The following PENK variants were observed in gnomAD, a reference collection of about 807,000 sequenced individuals.
PENK encodes the protein proenkephalin-A.
In PENK, 25 loss-of-function variants were observed where a neutral mutation model predicts 24.1. The observed-to-expected ratio is 1.04, with a 90% CI of 0.76 to 1.45. The LOEUF is 1.45. PENK is among the 40% of genes most tolerant of loss of function. The pLI is 0.00. For missense variants in PENK, 353 were observed against 337.9 expected (o/e 1.04, Z -0.35); for synonymous variants, 135 against 130.3 (o/e 1.04, Z -0.24).
At chr8:56,443,946 T>C (rs901747430) in intron 3 of PENK, 4 of 701,808 alleles carry the variant, frequency 5.7e-6, no homozygotes, top group Non-Finnish European at 1.0e-5. Context: ...TAATAAGTGA[T>C]AACAACAAGA....
chr8:56,446,259 G>A (rs1179692214), intron 2 of PENK, 167 bp downstream of exon 2: 1 of 404,268 alleles, frequency 2.5e-6, no homozygotes, highest in Non-Finnish European at 4.4e-6. Context: ...CCGCAGACCA[G>A]GGGCGAGAGA....
chr8:56,446,360 G>T, intron 2 of PENK, 66 bp downstream of exon 2: 1 of 211,710 alleles, frequency 4.7e-6, no homozygotes, highest in East Asian at 1.1e-4. Flanking sequence ...AATGTGAAGG[G>T]AAAGAGGGCG....
At chr8:56,445,489 C>T (rs1804638899) in intron 3 of PENK, 2 of 581,864 alleles carry the variant, frequency 3.4e-6, no homozygotes, top group African/African-American at 3.7e-5. Flanking sequence ...CAGGAGAGAA[C>T]CCAGTGCTAT....
intron 3 of PENK, chr8:56,443,643 T>G (rs1277946312): frequency 7.5e-6 from 2 of 267,240 alleles, no homozygotes; most frequent in Admixed American, 1.0e-4. Flanking sequence ...AGTAAATATT[T>G]GTTACATTGA....
chr8:56,443,037 G>A (rs2128941342), intron 3 of PENK, among the ~76,000 whole-genome samples: 1 of 152,178 alleles, frequency 6.6e-6, no homozygotes. Context: ...GGTATATTAA[G>A]TGATGTTAAA....
chr8:56,444,470 C>T (rs1804616742), intron 3 of PENK, among the ~76,000 whole-genome samples: 1 of 152,168 alleles, frequency 6.6e-6, no homozygotes, highest in Non-Finnish European at 1.5e-5. Flanking sequence ...GATTTTTCTT[C>T]CTCCTTCTGT....
chr8:56,445,728 G>C, intron 3 of PENK, 88 bp downstream of exon 3: 1 of 1,562,714 alleles, frequency 6.4e-7, no homozygotes, highest in Middle Eastern at 1.7e-4. Context: ...CGCCATACGC[G>C]CCGCGCGGTG....
At chr8:56,445,699 G>T (rs1034934396) in intron 3 of PENK, 117 bp downstream of exon 3, 2 of 1,364,672 alleles carry the variant, frequency 1.5e-6, no homozygotes, top group Non-Finnish European at 1.0e-6. Flanking sequence ...CGCCGCTGCG[G>T]CTCCGACCCG....
rs141401917 is a variant in PENK at position 56,441,807 on chromosome 8, G to A, written c.269C>T (p.Pro90Leu). Reference sequence around the variant, plus strand: ...TTTGGCTAGCAAATGGCTTTCTTCCGGTTTGCTATTTTCTCTGAGGGTGCT... The same window carrying A: ...TTTGGCTAGCAAATGGCTTTCTTCCAGTTTGCTATTTTCTCTGAGGGTGCT... ...GTSTLRENSK[P>L]EESHLLAKRY... Residue 90 changes from proline to leucine, a missense_variant, in exon 4 of 4, where the codon CCG becomes CTG. By Grantham distance (98) the Pro-to-Leu change is moderately conservative (BLOSUM62 -3). Coordinates refer to ENST00000451791, the MANE Select transcript of PENK (RefSeq NM_001135690.3). 1.1e-4 allele frequency: 173 copies of A among 1,613,868 alleles called. No individual in the cohort carries two copies. Among genetic ancestry groups the A allele is most frequent in the Non-Finnish European group, 1.3e-4 (157 of 1,180,006 alleles).
intron 3 of PENK, 91 bp from the exon 4 acceptor site, chr8:56,442,028 G>A: frequency 1.1e-6 from 1 of 896,280 alleles, no homozygotes; most frequent in Non-Finnish European, 1.7e-6. Context: ...TGCTTGCTTT[G>A]ACATCATAAC....
At chr8:56,443,269 G>T (rs1052991471) in intron 3 of PENK, among the ~76,000 whole-genome samples, 5 of 152,140 alleles carry the variant, frequency 3.3e-5, no homozygotes, top group African/African-American at 1.2e-4. Flanking sequence ...AGAAGCTTAA[G>T]ATATTTAAGG....
intron 3 of PENK, chr8:56,445,449 G>C: frequency 2.1e-6 from 1 of 471,910 alleles, no homozygotes; most frequent in Non-Finnish European, 3.8e-6. Flanking sequence ...GTTAGGAGTT[G>C]TGGTGACAGC....
At chr8:56,445,752 C>A (rs753398150) in intron 3 of PENK, 64 bp downstream of exon 3, 2 of 1,606,608 alleles carry the variant, frequency 1.2e-6, no homozygotes, top group Non-Finnish European at 1.7e-6. Context: ...CGGAGGCAGT[C>A]CGCGTACTGT....
At position 56,445,735 on chromosome 8, in the gene PENK, G is replaced by C; in HGVS notation, c.138+81C>G. 9.5e-6 allele frequency: 15 copies of C among 1,579,468 alleles called. 1 individual carries two copies. The highest frequency in any genetic ancestry group is 1.3e-5 in the Non-Finnish European group (15 of 1,149,772). On this transcript the variant is annotated intron_variant, in intron 3 of 3. Coordinates refer to ENST00000451791, the MANE Select transcript of PENK (RefSeq NM_001135690.3). ...GTGCGAACCGCCATACGCGCCGCGCGGTGGGCCGGAGGCAGTCCGCGTACT... is the reference window on the plus strand; with the variant it reads ...GTGCGAACCGCCATACGCGCCGCGCCGTGGGCCGGAGGCAGTCCGCGTACT...
chr8:56,446,057 G>A (rs1191306765), intron 2 of PENK, 101 bp from the exon 3 acceptor site: 33 of 1,315,908 alleles, frequency 2.5e-5, no homozygotes, highest in Non-Finnish European at 3.0e-5. Context: ...GGATCGTCGA[G>A]CAAAAGCCCG....
intron 3 of PENK, among the ~76,000 whole-genome samples, chr8:56,444,680 T>A (rs1804621278): frequency 6.6e-6 from 1 of 152,216 alleles, no homozygotes; most frequent in Non-Finnish European, 1.5e-5. Context: ...AATGCCAAGT[T>A]AGCACAGGTC....
intron 3 of PENK, among the ~76,000 whole-genome samples, chr8:56,442,596 T>A (rs1406569813): frequency 7.9e-6 from 1 of 126,942 alleles, no homozygotes; most frequent in East Asian, 2.2e-4. Context: ...TAAGTACAGA[T>A]CTTTTGTTTT....
rs1804552929 is a variant in PENK, at chr8:56,441,505, T to C, written c.571A>G (p.Arg191Gly). ...AGTTGGGGGCTTCTCTTTAAGCCTC[T>C]CATGAAGCCCCCATATCTCTTGCTC... ...EVSKRYGGFM[R>G]GLKRSPQLED... Residue 191 changes from arginine (R) to glycine (G), a missense_variant, in exon 4 of 4, where the codon AGA becomes GGA. By Grantham distance (125) the Arg-to-Gly change is moderately radical. Coordinates refer to ENST00000451791, the MANE Select transcript of PENK (RefSeq NM_001135690.3). The C allele has an allele frequency of 6.2e-7, 1 of 1,613,598 alleles. No individual in the cohort carries two copies. The highest frequency in any genetic ancestry group is 8.5e-7 in the Non-Finnish European group (1 of 1,179,892).
intron 3 of PENK, 117 bp from the exon 4 acceptor site, chr8:56,442,054 A>C: frequency 1.4e-6 from 1 of 692,792 alleles, no homozygotes; most frequent in Non-Finnish European, 2.4e-6. Flanking sequence ...TATTATAATA[A>C]GGTCATCTCC....
Sources: allele counts gnomAD v4.1 joint callset (sites outside exome capture counted in the v4.1 genomes callset), GRCh38; gene constraint gnomAD v4.1.1; transcripts MANE v1.5; gene names NCBI Gene and HGNC (gene_info 2026-07-23, HGNC 2026-07-21).